GATAD2B: variants seen among roughly 807,000 people sequenced by gnomAD.
GATAD2B encodes transcriptional repressor p66-beta.
GATAD2B carries 8 observed loss-of-function variants against 64.3 expected under a neutral mutation model. The observed-to-expected ratio is 0.12, with a 90% CI of 0.07 to 0.22. GATAD2B has a LOEUF of 0.22. Ranked by LOEUF, GATAD2B falls within the 10% of genes least tolerant of loss-of-function variation. GATAD2B has a pLI of 1.00. For missense variants in GATAD2B, 453 were observed against 752.0 expected (o/e 0.60, Z 4.65); for synonymous variants, 281 against 271.3 (o/e 1.04, Z -0.35).
At chr1:153,895,209 G>A (rs1677549642) in intron 1 of GATAD2B, among the ~76,000 whole-genome samples, 6 of 152,100 alleles carry the variant, frequency 3.9e-5, no homozygotes, top group Admixed American at 3.9e-4. Context: ...GAACGTGCCT[G>A]TAGTCCCAGC....
chr1:153,845,221 A>C (rs139883254), intron 1 of GATAD2B, among the ~76,000 whole-genome samples: 106 of 152,214 alleles, frequency 7.0e-4, no homozygotes, highest in African/African-American at 2.2e-3. Flanking sequence ...CAATGGAAAA[A>C]AACTCAGAAA....
chr1:153,825,935 T>C (rs1451207261), intron 2 of GATAD2B, among the ~76,000 whole-genome samples: 1 of 152,158 alleles, frequency 6.6e-6, no homozygotes, highest in Non-Finnish European at 1.5e-5. Context: ...GCAAGGTCAT[T>C]TGGAGGGCAA....
intron 1 of GATAD2B, among the ~76,000 whole-genome samples, chr1:153,918,101 G>C (rs1381080660): frequency 1.3e-5 from 2 of 152,208 alleles, no homozygotes; most frequent in Non-Finnish European, 2.9e-5. Context: ...GAGCAAGTCA[G>C]TGTGGCTGGA....
chr1:153,871,662 G>A (rs1027471246), intron 1 of GATAD2B, among the ~76,000 whole-genome samples: 5 of 152,068 alleles, frequency 3.3e-5, no homozygotes, highest in Non-Finnish European at 7.4e-5. Context: ...AGTAGAGACG[G>A]GTTTTACCAT....
intron 1 of GATAD2B, among the ~76,000 whole-genome samples, chr1:153,855,086 G>A (rs1486082140): frequency 2.0e-5 from 3 of 152,110 alleles, no homozygotes; most frequent in Admixed American, 6.6e-5. Flanking sequence ...ATGGGGAACT[G>A]GGTAAATTTT....
In GATAD2B at chr1:153,806,027, A is replaced by C. The variant is rs893510271; in HGVS notation, c.*4150T>G. Reference sequence around the variant, plus strand: ...CCTGACAATCCACCCTCAAAGGCCCATAAGACTAGGTTCTTTCTTTTTTGA... The same window carrying C: ...CCTGACAATCCACCCTCAAAGGCCCCTAAGACTAGGTTCTTTCTTTTTTGA... On this transcript the variant is annotated 3_prime_UTR_variant, in exon 11 of 11. Transcript: ENST00000368655. 2.6e-5 allele frequency: 4 copies of C among 152,332 alleles called. No individual in the cohort carries two copies. The East Asian group carries it at 7.7e-4, about 29-fold the overall frequency. 9.4% of individuals were successfully genotyped at this position (152,332 alleles called of 1,614,324 possible). A position where few individuals can be genotyped will look rare whatever the true frequency, so the allele number is the denominator to read the frequency against.
intron 1 of GATAD2B, among the ~76,000 whole-genome samples, chr1:153,886,104 T>G (rs1677176532): frequency 6.6e-6 from 1 of 152,222 alleles, no homozygotes; most frequent in Non-Finnish European, 1.5e-5. Context: ...TATCATAAAC[T>G]GGCAAAAACA....
intron 1 of GATAD2B, among the ~76,000 whole-genome samples, chr1:153,876,720 G>A (rs1325430677): frequency 5.3e-5 from 8 of 152,304 alleles, no homozygotes; most frequent in African/African-American, 1.9e-4. Flanking sequence ...GGTGATATGA[G>A]AGGTCAGGGC....
rs1425798825 is a variant in GATAD2B, at chr1:153,816,744, C to G, written c.901-156G>C. On this transcript the variant is annotated intron_variant, in intron 6 of 10. Transcript: ENST00000368655. The surrounding 1 kb of genome is among the most constrained non-coding windows in gnomAD (Gnocchi z 4.9). ...CTTATTTATTGAAAAAGAACTCTGA[C>G]ACATAGGAAAGGAGAATGATGATGA... Among the ~76,000 whole-genome samples the G allele has an allele frequency of 6.6e-6, 1 of 152,118 alleles. No homozygotes were observed. Among genetic ancestry groups the G allele is most frequent in the Non-Finnish European group, 1.5e-5 (1 of 68,032 alleles).
intron 1 of GATAD2B, among the ~76,000 whole-genome samples, chr1:153,880,325 G>A (rs527754849): frequency 2.0e-5 from 3 of 151,904 alleles, no homozygotes; most frequent in African/African-American, 7.2e-5. Context: ...AAATTAGCCG[G>A]GTGTGGTGGT....
At chr1:153,830,521 G>A (rs1285705394) in intron 1 of GATAD2B, among the ~76,000 whole-genome samples, 10 of 138,104 alleles carry the variant, frequency 7.2e-5, no homozygotes, top group Non-Finnish European at 1.2e-4. Context: ...TGTCGCCCAG[G>A]CTGGAGTGCA....
At chr1:153,877,972 C>A (rs1353725437) in intron 1 of GATAD2B, among the ~76,000 whole-genome samples, 1 of 151,438 alleles carries the variant, frequency 6.6e-6, no homozygotes, top group Non-Finnish European at 1.5e-5. Flanking sequence ...TACCTAGCCT[C>A]TAGGTTGTAG....
chr1:153,812,217 A>AT, intron 8 of GATAD2B, 85 bp from the exon 9 acceptor site: 1 of 719,080 alleles, frequency 1.4e-6, no homozygotes, highest in Admixed American at 2.4e-5. Context: ...TTAAACAGAG[A>AT]CACAATCTGA....
intron 2 of GATAD2B, among the ~76,000 whole-genome samples, chr1:153,824,868 G>A (rs1468604974): frequency 6.6e-6 from 1 of 152,096 alleles, no homozygotes; most frequent in East Asian, 1.9e-4. Flanking sequence ...CAGATCACTT[G>A]AGTCCAGGAG....
chr1:153,841,127 A>G (rs1675477342), intron 1 of GATAD2B, among the ~76,000 whole-genome samples: 1 of 149,670 alleles, frequency 6.7e-6, no homozygotes, highest in Admixed American at 6.7e-5. Flanking sequence ...TCCGTCTCAA[A>G]AAAAAAAAAA....
chr1:153,881,860 AC>A (rs1279530947), intron 1 of GATAD2B, among the ~76,000 whole-genome samples: 2 of 151,668 alleles, frequency 1.3e-5, no homozygotes, highest in Non-Finnish European at 2.9e-5. Flanking sequence ...TCTCTTTTCT[AC>A]CGTAAGAGAA....
chr1:153,919,413 G>C (rs1678362911), intron 1 of GATAD2B, among the ~76,000 whole-genome samples: 1 of 152,160 alleles, frequency 6.6e-6, no homozygotes. Context: ...ATATCCACAA[G>C]GGAGAAGGTA....
At position 153,843,431 on chromosome 1, in the gene GATAD2B, A is replaced by G. The variant is rs1675567363; in HGVS notation, c.-1-15083T>C. 2.0e-5 allele frequency among the ~76,000 whole-genome samples: 3 copies of G among 150,976 alleles called. No individual in the cohort carries two copies. The South Asian group carries it at 6.5e-4, about 33-fold the overall frequency. On this transcript the variant is annotated intron_variant, in intron 1 of 10. Transcript: ENST00000368655. ...TACCTCAGCCACTAGAGGAGAAGCG[A>G]CATTTACAAAAAAAAAAGTTATTTG...
At chr1:153,828,958 T>A (rs1016234613) in intron 1 of GATAD2B, among the ~76,000 whole-genome samples, 1 of 152,102 alleles carries the variant, frequency 6.6e-6, no homozygotes, top group Non-Finnish European at 1.5e-5. Flanking sequence ...TATTGTCAGC[T>A]CCTCCAGAGG....
Sources: allele counts gnomAD v4.1 joint callset (sites outside exome capture counted in the v4.1 genomes callset), GRCh38; gene constraint gnomAD v4.1.1; non-coding constraint Gnocchi (gnomAD v3.1); transcripts MANE v1.5; gene names NCBI Gene and HGNC (gene_info 2026-07-23, HGNC 2026-07-21).